The following AIDA variants were observed in gnomAD, a reference collection of about 807,000 sequenced individuals.
AIDA encodes the protein axin interactor, dorsalization associated, also known as axin interactor, dorsalization-associated protein.
In AIDA, 18 loss-of-function variants were observed where a neutral mutation model predicts 42.7. That is an observed-to-expected ratio of 0.42 (90% CI 0.29 to 0.63). The LOEUF is 0.63. Among genes scored for constraint, AIDA ranks in the 20% least tolerant of loss-of-function variants. The pLI, the probability that AIDA is intolerant of heterozygous loss-of-function variation, is 0.19. For synonymous variants in AIDA, 104 were observed against 122.9 expected (o/e 0.85, Z 1.02); for missense variants, 250 against 354.1 (o/e 0.71, Z 2.36).
At chr1:222,694,688 A>C (rs1250088332) in intron 2 of AIDA, among the ~76,000 whole-genome samples, 1 of 152,242 alleles carries the variant, frequency 6.6e-6, no homozygotes, top group African/African-American at 2.4e-5. Context: ...AACTTGTTTA[A>C]TATATAGGCA....
At chr1:222,672,579 C>T (rs1314423060) in intron 8 of AIDA, among the ~76,000 whole-genome samples, 1 of 152,162 alleles carries the variant, frequency 6.6e-6, no homozygotes, top group African/African-American at 2.4e-5. Context: ...AGGAATCATA[C>T]TCTGAGAACC....
At chr1:222,671,861 C>T (rs561219396) in intron 8 of AIDA, among the ~76,000 whole-genome samples, 3 of 152,324 alleles carry the variant, frequency 2.0e-5, no homozygotes, top group South Asian at 4.1e-4. Flanking sequence ...CCATCTCCTC[C>T]TCATGATCGT....
intron 5 of AIDA, 24 bp downstream of exon 5, chr1:222,687,571 A>G: frequency 6.8e-7 from 1 of 1,473,978 alleles, no homozygotes; most frequent in Non-Finnish European, 9.2e-7. Flanking sequence ...AAAATAAGAA[A>G]ACAAATATAA....
At chr1:222,704,531 T>C (rs376976201) in intron 1 of AIDA, among the ~76,000 whole-genome samples, 24 of 152,190 alleles carry the variant, frequency 1.6e-4, no homozygotes, top group Non-Finnish European at 2.8e-4. Context: ...AAAAACATTA[T>C]GCTAAATGAA....
chr1:222,693,831 G>C lies in AIDA; in HGVS notation c.247C>G (p.Gln83Glu), dbSNP rs542389245. Residue 83 changes from glutamine (Q) to glutamate (E), a missense_variant, in exon 4 of 10, where the codon CAA becomes GAA. Gln to Glu is a conservative substitution (Grantham distance 29, BLOSUM62 2). Coordinates refer to ENST00000340020, the MANE Select transcript of AIDA (RefSeq NM_022831.4). ...RSAALQSTQS[Q>E]EEFKLEDLKK... ...AGGTCCTCCAGTTTAAATTCTTCTT[G>C]AGACTGTGTGGACTAAATTTAAAAT... is the stretch of plus-strand genomic sequence containing the variant. 25 of 1,608,434 alleles carry C rather than the reference G, an allele frequency of 1.6e-5. No individual in the cohort carries two copies. The Admixed American group carries it at 2.0e-4, about 13-fold the overall frequency.
intron 3 of AIDA, 87 bp downstream of exon 3, chr1:222,694,123 T>C (rs1366439297): frequency 4.0e-6 from 5 of 1,241,138 alleles, no homozygotes; most frequent in Non-Finnish European, 4.6e-6. Context: ...GAGACAATAC[T>C]GCTTTTGACA....
chr1:222,683,159 G>A (rs770610221), intron 6 of AIDA, among the ~76,000 whole-genome samples: 49 of 152,018 alleles, frequency 3.2e-4, no homozygotes, highest in Non-Finnish European at 4.6e-4. Flanking sequence ...AAATAATATC[G>A]TATGTAGGTC....
At chr1:222,702,873 A>C (rs1326045040) in intron 2 of AIDA, among the ~76,000 whole-genome samples, 1 of 152,192 alleles carries the variant, frequency 6.6e-6, no homozygotes, top group Non-Finnish European at 1.5e-5. Context: ...CCCCCTCTTC[A>C]GCGAAAGCAT....
intron 1 of AIDA, among the ~76,000 whole-genome samples, chr1:222,709,925 T>C (rs1655948317): frequency 6.6e-6 from 1 of 152,174 alleles, no homozygotes. Flanking sequence ...AATACAGATA[T>C]GCACTATCTC....
intron 1 of AIDA, chr1:222,711,476 C>T (rs1290302725): frequency 6.6e-6 from 1 of 152,220 alleles, no homozygotes; most frequent in Non-Finnish European, 1.5e-5. Flanking sequence ...ACATTTTGCT[C>T]TCTTCGGTTC....
intron 6 of AIDA, among the ~76,000 whole-genome samples, chr1:222,684,400 C>T (rs939759473): frequency 1.3e-5 from 2 of 152,190 alleles, no homozygotes; most frequent in African/African-American, 4.8e-5. Context: ...GCATGAGCCA[C>T]TGTGCCCAGC....
In AIDA at chr1:222,673,444, A is replaced by G; in HGVS notation, c.584-9T>C. 2 of 1,554,488 alleles carry G rather than the reference A, an allele frequency of 1.3e-6. No homozygotes were observed. The highest frequency in any genetic ancestry group is 1.3e-5 in the South Asian group (1 of 79,642). ...GTCTATGCCATTCAGATCTAAAGAG[A>G]AAAGAAGTTTCTCTTTAGGAACATT... On this transcript the variant is annotated splice_polypyrimidine_tract_variant and intron_variant, in intron 7 of 9. Transcript: ENST00000340020.
Position 222,686,828 on chromosome 1 carries a change from A to G in AIDA, c.460+102T>C, listed in dbSNP as rs577724443. 29 of 1,384,668 alleles carry G rather than the reference A, an allele frequency of 2.1e-5. No homozygotes were observed. In the South Asian group the frequency reaches 3.5e-4, roughly 16 times the overall value. The allele number at this position is 1,384,668 out of a possible 1,614,324, so 85.8% of individuals were successfully genotyped here. On this transcript the variant is annotated intron_variant, in intron 6 of 9. Transcript: ENST00000340020. ...TTTGCCTAAGATTGGCATGAGCTTT[A>G]GAGTGGTTGTACTGCCCCACTAGCA...
At chr1:222,681,898 CT>C (rs1664660293) in intron 6 of AIDA, among the ~76,000 whole-genome samples, 1 of 152,182 alleles carries the variant, frequency 6.6e-6, no homozygotes, top group African/African-American at 2.4e-5. Context: ...GGAGGAACAT[CT>C]GAGGCCCCTC....
In AIDA at chr1:222,676,931, A is replaced by AC. The variant is rs139403141; in HGVS notation, c.461-714_461-713insG. Among the ~76,000 whole-genome samples the AC allele has an allele frequency of 6.3e-3, 947 of 151,416 alleles. 5 individuals are homozygous for AC. The highest frequency in any genetic ancestry group is 0.019 in the African/African-American group (805 of 41,334). On this transcript the variant is annotated intron_variant, in intron 6 of 9. Coordinates refer to ENST00000340020, the MANE Select transcript of AIDA (RefSeq NM_022831.4). Reference sequence around the variant, plus strand: ...CACTGAAGCAAAAAAACCACAAAAAAAAACAAACAAAAAAAAACCCATCCG... The same window carrying AC: ...CACTGAAGCAAAAAAACCACAAAAAACAAACAAACAAAAAAAAACCCATCCG...
chr1:222,699,636 ATC>A (rs1655627619), intron 2 of AIDA, among the ~76,000 whole-genome samples: 1 of 152,116 alleles, frequency 6.6e-6, no homozygotes, highest in Admixed American at 6.5e-5. Context: ...CACCTGGAAG[ATC>A]TGTTTTCTAA....
At chr1:222,679,774 C>A (rs1317439958) in intron 6 of AIDA, among the ~76,000 whole-genome samples, 1 of 152,226 alleles carries the variant, frequency 6.6e-6, no homozygotes, top group Non-Finnish European at 1.5e-5. Flanking sequence ...GAAATGACCT[C>A]CCCATCTCAA....
chr1:222,702,023 CAAA>C, intron 2 of AIDA, among the ~76,000 whole-genome samples: 1 of 129,748 alleles, frequency 7.7e-6, no homozygotes. Flanking sequence ...CACACCCAGC[CAAA>C]AAAAAAAAAA....
intron 6 of AIDA, among the ~76,000 whole-genome samples, chr1:222,684,012 T>C (rs1664697706): frequency 6.6e-6 from 1 of 152,202 alleles, no homozygotes; most frequent in South Asian, 2.1e-4. Context: ...CGTATCTACA[T>C]ACCATACATC....
Sources: gnomAD v4.1 joint callset for allele counts (sites outside exome capture counted in the v4.1 genomes callset) on GRCh38, gnomAD v4.1.1 for gene constraint, MANE v1.5 for transcripts, NCBI Gene and HGNC (gene_info 2026-07-23, HGNC 2026-07-21) for gene names.